Variants in PIEZO2 observed in about 807,000 individuals in gnomAD.
PIEZO2 encodes the protein piezo type mechanosensitive ion channel component 2.
In PIEZO2, 172 loss-of-function variants were observed where a neutral mutation model predicts 337.3. That is an observed-to-expected ratio of 0.51 (90% confidence interval 0.45 to 0.58). PIEZO2 has a LOEUF of 0.58. Ranked by LOEUF, PIEZO2 falls within the 20% of genes least tolerant of loss-of-function variation. The pLI, the probability that PIEZO2 is intolerant of heterozygous loss-of-function variation, is 0.00. For missense variants in PIEZO2, 3,028 were observed against 3,391.3 expected (o/e 0.89, Z 2.66); for synonymous variants, 1,251 against 1,228.5 (o/e 1.02, Z -0.38).
chr18:10,966,834 T>C (rs896330283), intron 3 of PIEZO2, among the ~76,000 whole-genome samples: 2 of 152,066 alleles, frequency 1.3e-5, no homozygotes, highest in Non-Finnish European at 2.9e-5. Flanking sequence ...TGTTTTCTCA[T>C]AGCTTAGCTC....
In PIEZO2 at chr18:10,691,376, T is replaced by A; in HGVS notation, c.7198A>T (p.Ser2400Cys). 1 of 1,612,256 alleles carries A rather than the reference T, an allele frequency of 6.2e-7. No individual in the cohort carries two copies. The highest frequency in any genetic ancestry group is 8.5e-7 in the Non-Finnish European group (1 of 1,179,294). Residue 2400 changes from serine (S) to cysteine (C), a missense_variant, in exon 48 of 56, where the codon AGC (serine) becomes TGC (cysteine). Ser to Cys is a moderately radical substitution (Grantham distance 112). Coordinates refer to ENST00000674853, the MANE Select transcript of PIEZO2 (RefSeq NM_001378183.1). ...ILPGVTERKF[S>C]QNLVAQLWYF... Reference sequence around the variant, plus strand: ...CAAAGCTGGGCAACCAGGTTCTGGCTGAATTTCCTAAAATGTAAAAGTACA... The same window carrying A: ...CAAAGCTGGGCAACCAGGTTCTGGCAGAATTTCCTAAAATGTAAAAGTACA...
intron 7 of PIEZO2, among the ~76,000 whole-genome samples, chr18:10,835,468 T>C (rs2040979475): frequency 6.6e-6 from 1 of 152,236 alleles, no homozygotes; most frequent in South Asian, 2.1e-4. Context: ...CATCATTTCA[T>C]TAAAATATGC....
At position 10,677,555 on chromosome 18, in the gene PIEZO2, C is replaced by G. The variant is rs1405990718; in HGVS notation, c.8081+192G>C. On this transcript the variant is annotated intron_variant, in intron 53 of 55. Transcript: ENST00000674853. This position sits in a 1 kb window ranked among gnomAD's most constrained non-coding sequence, Gnocchi z 4.1. ...TGGAACATAGACATAACCCTGGGGA[C>G]AGTGGACAGAAAACTCCATAGCTGA... 3 of 568,126 alleles carry G rather than the reference C, an allele frequency of 5.3e-6. No individual in the cohort carries two copies. The highest frequency in any genetic ancestry group is 8.8e-6 in the Non-Finnish European group (3 of 342,060). The allele number at this position is 568,126 out of a possible 1,614,324, so 35.2% of individuals were successfully genotyped here.
Position 11,128,392 on chromosome 18 carries a change from G to A in PIEZO2, c.64+20133C>T, listed in dbSNP as rs1169863310. On this transcript the variant is annotated intron_variant, in intron 1 of 55. Transcript: ENST00000674853. This position sits in a 1 kb window ranked among gnomAD's most constrained non-coding sequence, Gnocchi z 4.1. Reference sequence around the variant, plus strand: ...AAAGATACATGCACAGCCCCGCCAGGTGTCTACTGTTAAAGTGAGGGCATT... The same window carrying A: ...AAAGATACATGCACAGCCCCGCCAGATGTCTACTGTTAAAGTGAGGGCATT... 6.6e-6 allele frequency among the ~76,000 whole-genome samples: 1 copy of A among 152,218 alleles called. No individual in the cohort carries two copies. The highest frequency in any genetic ancestry group is 2.4e-5 in the African/African-American group (1 of 41,442).
rs8090577 is a variant in PIEZO2, at chr18:10,856,645, C to G, written c.703+356G>C. Among the ~76,000 whole-genome samples the G allele has an allele frequency of 1.3e-5, 2 of 152,206 alleles. No homozygotes were observed. Among genetic ancestry groups the G allele is most frequent in the African/African-American group, 4.8e-5 (2 of 41,444 alleles). On this transcript the variant is annotated intron_variant, in intron 6 of 55. Transcript: ENST00000674853. This position sits in a 1 kb window ranked among gnomAD's most constrained non-coding sequence, Gnocchi z 4.7. The stretch of plus-strand genomic sequence containing the variant: ...CAGACCTCCAGAACCCACAATATGG[C>G]TTGTGATGGGTGCATGCACATTGTT...
At position 11,148,431 on chromosome 18, in the gene PIEZO2, A is replaced by G. The variant is rs1260520544; in HGVS notation, c.64+94T>C. 18 of 1,389,566 alleles carry G rather than the reference A, an allele frequency of 1.3e-5. No homozygotes were observed. The highest frequency in any genetic ancestry group is 1.6e-5 in the Non-Finnish European group (16 of 1,017,058). The allele number at this position is 1,389,566 out of a possible 1,614,324, so 86.1% of individuals were successfully genotyped here. A position where few individuals can be genotyped will look rare whatever the true frequency, so the allele number is the denominator to read the frequency against. On this transcript the variant is annotated intron_variant, in intron 1 of 55. Transcript: ENST00000674853. The surrounding 1 kb of genome is among the most constrained non-coding windows in gnomAD (Gnocchi z 5.2). ...CCGCTGGCCTCCCGAATCGAACCCC[A>G]GAGCACCAGAGCCCTTCACTTTGTT...
At chr18:11,130,046 T>A (rs1452863965) in intron 1 of PIEZO2, among the ~76,000 whole-genome samples, 1 of 152,168 alleles carries the variant, frequency 6.6e-6, no homozygotes, top group Non-Finnish European at 1.5e-5. Context: ...ATAGAAGCCA[T>A]TACAGCTGCC....
chr18:11,068,742 T>C (rs1217721446), intron 1 of PIEZO2, among the ~76,000 whole-genome samples: 1 of 152,256 alleles, frequency 6.6e-6, no homozygotes, highest in South Asian at 2.1e-4. Context: ...AACAAAACTA[T>C]GAGTTGGTTT....
chr18:10,944,606 A>C (rs1311785322), intron 3 of PIEZO2, among the ~76,000 whole-genome samples: 1 of 149,958 alleles, frequency 6.7e-6, no homozygotes, highest in Admixed American at 6.6e-5. Context: ...AAGACAAAGA[A>C]AATTTCTTAA....
At chr18:10,717,351 C>G (rs113524234) in intron 37 of PIEZO2, among the ~76,000 whole-genome samples, 1 of 152,102 alleles carries the variant, frequency 6.6e-6, no homozygotes, top group Non-Finnish European at 1.5e-5. Flanking sequence ...AGGACTGGCA[C>G]GGTGGAGGGC....
In PIEZO2 at chr18:11,032,799, A is replaced by G. The variant is rs1186425248; in HGVS notation, c.160+33328T>C. 6.6e-6 allele frequency among the ~76,000 whole-genome samples: 1 copy of G among 152,222 alleles called. No homozygotes were observed. The highest frequency in any genetic ancestry group is 2.4e-5 in the African/African-American group (1 of 41,454). Reference sequence around the variant, plus strand: ...CAACAACTGCCCTTAAAAGCTTTTGAAGTCAGATCGATAAGAACTCTTTTG... The same window carrying G: ...CAACAACTGCCCTTAAAAGCTTTTGGAGTCAGATCGATAAGAACTCTTTTG... On this transcript the variant is annotated intron_variant, in intron 2 of 55. Transcript: ENST00000674853. This position sits in a 1 kb window ranked among gnomAD's most constrained non-coding sequence, Gnocchi z 4.9.
intron 2 of PIEZO2, among the ~76,000 whole-genome samples, chr18:11,052,167 A>C (rs1034018602): frequency 3.3e-5 from 5 of 152,166 alleles, no homozygotes; most frequent in Non-Finnish European, 7.3e-5. Flanking sequence ...TAGTGTATAG[A>C]GGGTACTTAG....
At chr18:10,831,515 C>T (rs8089196) in intron 7 of PIEZO2, among the ~76,000 whole-genome samples, 32,525 of 151,938 alleles carry the variant, frequency 0.21, 3,561 homozygotes, top group Middle Eastern at 0.31. Flanking sequence ...ATGATGGTTA[C>T]CAGAGGCTAG....
intron 4 of PIEZO2, among the ~76,000 whole-genome samples, chr18:10,901,430 G>GCGCA (rs1012517962): frequency 6.8e-6 from 1 of 147,890 alleles, no homozygotes; most frequent in African/African-American, 2.5e-5. Context: ...ACACACACAC[G>GCGCA]CACACACACA....
At chr18:10,763,849 G>A (rs977877694) in intron 21 of PIEZO2, among the ~76,000 whole-genome samples, 10 of 152,308 alleles carry the variant, frequency 6.6e-5, no homozygotes, top group South Asian at 4.1e-4. Context: ...GGGAGGAGGC[G>A]CGGATTCAAC....
At chr18:10,722,225 G>A (rs938418526) in intron 36 of PIEZO2, among the ~76,000 whole-genome samples, 2 of 148,008 alleles carry the variant, frequency 1.4e-5, no homozygotes, top group African/African-American at 4.9e-5. Flanking sequence ...TATTTGGGAG[G>A]AGAGACTTTT....
At chr18:10,732,755 G>A (rs1445481831) in intron 35 of PIEZO2, among the ~76,000 whole-genome samples, 1 of 152,158 alleles carries the variant, frequency 6.6e-6, no homozygotes, top group African/African-American at 2.4e-5. Flanking sequence ...TTTAGTAGAT[G>A]TTTATTGGCT....
chr18:10,940,166 G>A lies in PIEZO2; in HGVS notation c.287-28938C>T, dbSNP rs1182185476. Among the ~76,000 whole-genome samples, 2 of 152,076 alleles carry A rather than the reference G, an allele frequency of 1.3e-5. No individual in the cohort carries two copies. Among genetic ancestry groups the A allele is most frequent in the African/African-American group, 2.4e-5 (1 of 41,378 alleles). On this transcript the variant is annotated intron_variant, in intron 3 of 55. Coordinates refer to ENST00000674853, the MANE Select transcript of PIEZO2 (RefSeq NM_001378183.1). This position sits in a 1 kb window ranked among gnomAD's most constrained non-coding sequence, Gnocchi z 5.3. ...CTTTGGCCATCTTTGATTAGCACACGAATTTGTTATTTATTAAAATAAATG... is the reference window on the plus strand; with the variant it reads ...CTTTGGCCATCTTTGATTAGCACACAAATTTGTTATTTATTAAAATAAATG...
chr18:10,674,110 A>T (rs1177813424), intron 54 of PIEZO2, among the ~76,000 whole-genome samples: 7 of 152,208 alleles, frequency 4.6e-5, no homozygotes, highest in Admixed American at 1.3e-4. Flanking sequence ...AGAGTAAGGC[A>T]CAGCATGATC....
Sources: gnomAD v4.1 joint callset for allele counts (sites outside exome capture counted in the v4.1 genomes callset) on GRCh38, gnomAD v4.1.1 for gene constraint, Gnocchi (gnomAD v3.1) non-coding constraint, MANE v1.5 for transcripts, NCBI Gene and HGNC (gene_info 2026-07-23, HGNC 2026-07-21) for gene names.